The following ARHGAP6 variants were observed in gnomAD, a reference collection of about 807,000 sequenced individuals.
ARHGAP6 encodes the protein Rho GTPase activating protein 6, also known as rho GTPase-activating protein 6.
Under a neutral mutation model 55.7 loss-of-function variants are expected in ARHGAP6, and 16 were observed. That is an observed-to-expected ratio of 0.29 (90% CI 0.19 to 0.44). ARHGAP6 has a LOEUF of 0.44. Among genes scored for constraint, ARHGAP6 ranks in the 20% least tolerant of loss-of-function variants. ARHGAP6 has a pLI of 1.00. For missense variants in ARHGAP6, 698 were observed against 808.9 expected (o/e 0.86, Z 1.66); for synonymous variants, 382 against 360.9 (o/e 1.06, Z -0.66).
chrX:11,401,939 T>G (rs2049554443), intron 1 of ARHGAP6, among the ~76,000 whole-genome samples: 1 of 112,168 alleles, frequency 8.9e-6, no homozygotes, highest in African/African-American at 3.2e-5. Flanking sequence ...TCTGATAACA[T>G]GTTAAATTTT....
At chrX:11,195,848 G>T (rs1372741518) in intron 3 of ARHGAP6, among the ~76,000 whole-genome samples, 2 of 106,061 alleles carry the variant, frequency 1.9e-5, no homozygotes, top group Non-Finnish European at 3.9e-5. Context: ...GGGCGCGATG[G>T]ATCATGCCTG....
At chrX:11,573,019 C>A (rs200220091) in intron 1 of ARHGAP6, among the ~76,000 whole-genome samples, 9,000 of 111,128 alleles carry the variant, frequency 0.081, 385 homozygotes, top group East Asian at 0.18. Flanking sequence ...GTCCTTTGCC[C>A]ACTTTTTGAT....
At chrX:11,324,590 TA>T (rs1411340184) in intron 1 of ARHGAP6, among the ~76,000 whole-genome samples, 1 of 98,633 alleles carries the variant, frequency 1.0e-5, no homozygotes, top group African/African-American at 3.7e-5. Flanking sequence ...TTTTGCTTAC[TA>T]ATCTTAAAAA....
At position 11,302,059 on chromosome X, in the gene ARHGAP6, C is replaced by T. The variant is rs1030035067; in HGVS notation, c.589-47352G>A. Among the ~76,000 whole-genome samples, 3 of 112,175 alleles carry T rather than the reference C, an allele frequency of 2.7e-5. No homozygotes were observed. The South Asian group carries it at 1.1e-3, about 42-fold the overall frequency. ...ACATACATTAACTGGTAATTATACT[C>T]TAATACTTGCACTGTCAAATATGGT... On this transcript the variant is annotated intron_variant, in intron 1 of 12. Coordinates refer to ENST00000337414, the MANE Select transcript of ARHGAP6 (RefSeq NM_013427.3).
intron 5 of ARHGAP6, among the ~76,000 whole-genome samples, chrX:11,183,797 C>T (rs1379204566): frequency 3.6e-5 from 4 of 111,784 alleles, no homozygotes; most frequent in African/African-American, 6.5e-5. Context: ...ACTCTGATTG[C>T]GGTGTGATTT....
At chrX:11,526,226 G>A (rs766573962) in intron 1 of ARHGAP6, among the ~76,000 whole-genome samples, 1 of 111,271 alleles carries the variant, frequency 9.0e-6, no homozygotes, top group Admixed American at 9.7e-5. Context: ...CCTTCTGGGG[G>A]CCTCTGGGAG....
intron 1 of ARHGAP6, among the ~76,000 whole-genome samples, chrX:11,474,011 A>C (rs1342913153): frequency 9.0e-6 from 1 of 111,135 alleles, no homozygotes. Context: ...CCTGGGGTCC[A>C]GGCTCTAATG....
At chrX:11,658,358 G>A (rs2052661168) in intron 1 of ARHGAP6, among the ~76,000 whole-genome samples, 1 of 111,649 alleles carries the variant, frequency 9.0e-6, no homozygotes, top group Non-Finnish European at 1.9e-5. Flanking sequence ...GAGATAGCCT[G>A]AGAGAGAGTG....
At chrX:11,635,297 C>T (rs775861533) in intron 1 of ARHGAP6, among the ~76,000 whole-genome samples, 46 of 109,934 alleles carry the variant, frequency 4.2e-4, no homozygotes, top group African/African-American at 1.4e-3. Context: ...AAGACTACTT[C>T]AAGGAAACAT....
At chrX:11,391,770 G>A (rs985445715) in intron 1 of ARHGAP6, among the ~76,000 whole-genome samples, 24 of 112,564 alleles carry the variant, frequency 2.1e-4, no homozygotes, top group African/African-American at 7.7e-4. Context: ...GTATTGTACA[G>A]CACATCTCAA....
chrX:11,483,957 G>A (rs1046971286), intron 1 of ARHGAP6, among the ~76,000 whole-genome samples: 4 of 111,721 alleles, frequency 3.6e-5, no homozygotes, highest in South Asian at 3.8e-4. Flanking sequence ...TAGTGACACC[G>A]TCTTCAACTC....
intron 1 of ARHGAP6, among the ~76,000 whole-genome samples, chrX:11,357,391 C>A (rs1278796223): frequency 9.0e-6 from 1 of 111,373 alleles, no homozygotes; most frequent in Non-Finnish European, 1.9e-5. Context: ...TCCAGGGGGT[C>A]CTGATTCATG....
intron 1 of ARHGAP6, among the ~76,000 whole-genome samples, chrX:11,595,486 T>C (rs1463995609): frequency 9.0e-6 from 1 of 111,209 alleles, no homozygotes; most frequent in Admixed American, 9.6e-5. Context: ...GAAGAAAACC[T>C]GGGCAATACC....
chrX:11,578,354 C>A (rs771902790), intron 1 of ARHGAP6, among the ~76,000 whole-genome samples: 14 of 111,866 alleles, frequency 1.3e-4, no homozygotes, highest in South Asian at 7.4e-4. Context: ...TAAAAAAAAA[C>A]CACTTTTTGG....
At chrX:11,413,670 A>G (rs779264132) in intron 1 of ARHGAP6, among the ~76,000 whole-genome samples, 3 of 112,525 alleles carry the variant, frequency 2.7e-5, no homozygotes, top group Non-Finnish European at 5.6e-5. Context: ...CTAGCATTTT[A>G]AACCCATGAG....
chrX:11,620,701 G>A (rs1293620022), intron 1 of ARHGAP6, among the ~76,000 whole-genome samples: 1 of 112,324 alleles, frequency 8.9e-6, no homozygotes, highest in East Asian at 2.8e-4. Context: ...TATCAAGGGG[G>A]AGTCAGTGAC....
At position 11,178,157 on chromosome X, in the gene ARHGAP6, C is replaced by T. The variant is rs1176217703; in HGVS notation, c.1572G>A (p.Gln524=). The change falls in exon 8 of 13, where the codon CAG becomes CAA. Residue 524 remains glutamine, a synonymous_variant. Transcript: ENST00000337414. Reference sequence around the variant, plus strand: ...CATGCCTGGCCACGATGGAGAGGAACTGTAGCAGGCGGTGGAGGGTGTCGC... The same window carrying T: ...CATGCCTGGCCACGATGGAGAGGAATTGTAGCAGGCGGTGGAGGGTGTCGC... The part of the protein sequence containing the change: ...CNCDTLHRLL[Q]FLSIVARHAD... 8.3e-7 allele frequency: 1 copy of T among 1,211,612 alleles called. No individual in the cohort carries two copies. Among genetic ancestry groups the T allele is most frequent in the East Asian group, 3.0e-5 (1 of 33,837 alleles).
At chrX:11,369,040 G>T (rs1404048893) in intron 1 of ARHGAP6, among the ~76,000 whole-genome samples, 2 of 111,435 alleles carry the variant, frequency 1.8e-5, no homozygotes, top group Non-Finnish European at 1.9e-5. Flanking sequence ...CCTTTCAAAA[G>T]TATCCCAGTT....
At chrX:11,297,323 C>T (rs1279966014) in intron 1 of ARHGAP6, among the ~76,000 whole-genome samples, 3 of 111,717 alleles carry the variant, frequency 2.7e-5, no homozygotes, top group Non-Finnish European at 3.8e-5. Context: ...TTTTGGACGT[C>T]GGGTTTGAGG....
Sources: allele counts gnomAD v4.1 joint callset (sites outside exome capture counted in the v4.1 genomes callset), GRCh38; gene constraint gnomAD v4.1.1; transcripts MANE v1.5; gene names NCBI Gene and HGNC (gene_info 2026-07-23, HGNC 2026-07-21).